Variants in TTC31 observed in about 807,000 individuals in gnomAD.
TTC31 encodes tetratricopeptide repeat domain 31.
In TTC31, 59 loss-of-function variants were observed where a neutral mutation model predicts 60.4. That is an observed-to-expected ratio of 0.98 (90% CI 0.79 to 1.21). TTC31 has a LOEUF of 1.21. TTC31 is among the 50% of genes most tolerant of loss of function. The pLI, the probability that TTC31 is intolerant of heterozygous loss-of-function variation, is 0.00. For missense variants in TTC31, 672 were observed against 646.9 expected (o/e 1.04, Z -0.42); for synonymous variants, 225 against 249.6 (o/e 0.90, Z 0.93).
intron 2 of TTC31, among the ~76,000 whole-genome samples, chr2:74,484,151 C>A (rs77750978): frequency 6.6e-6 from 1 of 151,490 alleles, no homozygotes; most frequent in South Asian, 2.1e-4. Context: ...GCAGGAGAAT[C>A]GCTTGAACCC....
intron 8 of TTC31, 105 bp from the exon 9 acceptor site, chr2:74,491,899 A>G: frequency 6.4e-7 from 1 of 1,571,132 alleles, no homozygotes; most frequent in Non-Finnish European, 8.7e-7. Context: ...TGAGGATTAC[A>G]TGAGTTGGGT....
chr2:74,490,210 C>T (rs1040475782), intron 3 of TTC31, 34 bp from the exon 4 acceptor site: 3 of 1,611,888 alleles, frequency 1.9e-6, no homozygotes, highest in African/African-American at 2.7e-5. Flanking sequence ...GCTCTCATGT[C>T]CTTTCTTTCC....
chr2:74,490,211 C>A, intron 3 of TTC31, 33 bp from the exon 4 acceptor site: 1 of 1,612,038 alleles, frequency 6.2e-7, no homozygotes, highest in Non-Finnish European at 8.5e-7. Flanking sequence ...CTCTCATGTC[C>A]TTTCTTTCCT....
intron 2 of TTC31, among the ~76,000 whole-genome samples, chr2:74,489,217 C>T (rs1414431660): frequency 6.6e-6 from 1 of 152,088 alleles, no homozygotes; most frequent in African/African-American, 2.4e-5. Context: ...TTGGAGGAGG[C>T]AGAGATAATT....
rs564320572 is a variant in TTC31 at position 74,493,948 on chromosome 2, C to T, written c.*730C>T. 1 of 152,370 alleles carries T rather than the reference C, an allele frequency of 6.6e-6. No individual in the cohort carries two copies. Among genetic ancestry groups the T allele is most frequent in the East Asian group, 1.9e-4 (1 of 5,190 alleles). The allele number at this position is 152,370 out of a possible 1,614,324, so 9.4% of individuals were successfully genotyped here. A position where few individuals can be genotyped will look rare whatever the true frequency, so the allele number is the denominator to read the frequency against. On this transcript the variant is annotated 3_prime_UTR_variant, in exon 13 of 13. Coordinates refer to ENST00000233623, the MANE Select transcript of TTC31 (RefSeq NM_022492.6). Reference sequence around the variant, plus strand: ...GCCCAAGCTGCTACAACCTTGGCCACTCTGTTTCTCCACCCCAGCACTGGG... The same window carrying T: ...GCCCAAGCTGCTACAACCTTGGCCATTCTGTTTCTCCACCCCAGCACTGGG...
chr2:74,490,304 A>G lies in TTC31; in HGVS notation c.293A>G (p.Lys98Arg). 6.2e-6 allele frequency: 10 copies of G among 1,614,122 alleles called. No individual in the cohort carries two copies. The highest frequency in any genetic ancestry group is 8.5e-6 in the Non-Finnish European group (10 of 1,180,012). ...GKSTGQSDRG[K>R]GAEGLGTYCG... ...TCAACTGGACAGAGTGACAGGGGCA[A>G]GGGGGCTGAGGGACTGGGCACCTAC... Residue 98 changes from lysine to arginine, a missense_variant, in exon 4 of 13, where the codon AAG becomes AGG. Transcript: ENST00000233623.
At chr2:74,488,433 T>TG (rs1673402587) in intron 2 of TTC31, among the ~76,000 whole-genome samples, 1 of 152,218 alleles carries the variant, frequency 6.6e-6, no homozygotes, top group African/African-American at 2.4e-5. Context: ...AGTCCTGCTC[T>TG]GTTTAGGCCT....
chr2:74,492,251 G>T, intron 10 of TTC31, 22 bp downstream of exon 10: 2 of 1,614,162 alleles, frequency 1.2e-6, no homozygotes, highest in African/African-American at 2.7e-5. Context: ...CTTGGCCAGG[G>T]CAGGGCAGAG....
Position 74,490,144 on chromosome 2 carries a change from C to T in TTC31, c.232+17C>T. Reference sequence around the variant, plus strand: ...GGCACCATGGTGGGGAGTGCAGGGACCGGGCCCAGGGATCGAGGCTGGTAC... The same window carrying T: ...GGCACCATGGTGGGGAGTGCAGGGATCGGGCCCAGGGATCGAGGCTGGTAC... On this transcript the variant is annotated intron_variant, in intron 3 of 12. Transcript: ENST00000233623. The T allele has an allele frequency of 6.2e-7, 1 of 1,605,800 alleles. No homozygotes were observed. Among genetic ancestry groups the T allele is most frequent in the Middle Eastern group, 1.7e-4 (1 of 6,042 alleles).
At chr2:74,490,771 A>G (rs757037713) in intron 5 of TTC31, 32 bp downstream of exon 5, 1 of 1,593,946 alleles carries the variant, frequency 6.3e-7, no homozygotes. Context: ...GGTGCAGGGG[A>G]GCCAAAGGGA....
chr2:74,490,958 T>C (rs866264838), intron 5 of TTC31, 170 bp from the exon 6 acceptor site: 1 of 958,912 alleles, frequency 1.0e-6, no homozygotes. Flanking sequence ...TCTGCCTCCT[T>C]ACATGAGGCC....
At position 74,484,953 on chromosome 2, in the gene TTC31, A is replaced by T. The variant is rs188750879; in HGVS notation, c.129+1543A>T. 3.2e-4 allele frequency among the ~76,000 whole-genome samples: 48 copies of T among 151,998 alleles called. No individual in the cohort carries two copies. In the East Asian group the frequency reaches 7.5e-3, roughly 24 times the overall value. On this transcript the variant is annotated intron_variant, in intron 2 of 12. Coordinates refer to ENST00000233623, the MANE Select transcript of TTC31 (RefSeq NM_022492.6). ...ACACAAACTTTCATCTAGTTGTTTA[A>T]TCTGGAAATCTGATAATCATTTTAT...
rs1468936142 is a variant in TTC31 at position 74,492,342 on chromosome 2, G to A, written c.1058G>A (p.Gly353Asp). ...CGTTCCTTCTGCCATGAGCGGTTGG[G>A]TCAGCCAGCGTGGGCCCTGGCTGAT... ...GNRSFCHERL[G>D]QPAWALADAQ... Residue 353 changes from glycine to aspartate, a missense_variant, in exon 11 of 13, where the codon GGT becomes GAT. Coordinates refer to ENST00000233623, the MANE Select transcript of TTC31 (RefSeq NM_022492.6). 2 of 1,570,522 alleles carry A rather than the reference G, an allele frequency of 1.3e-6. No individual in the cohort carries two copies. The highest frequency in any genetic ancestry group is 2.3e-5 in the East Asian group (1 of 44,330).
Position 74,492,419 on chromosome 2 carries a change from C to G in TTC31, c.1135C>G (p.Leu379Val). Residue 379 changes from leucine to valine, a missense_variant, in exon 11 of 13, where the codon CTG (leucine) becomes GTG (valine). Physicochemically the swap from Leu to Val is conservative, Grantham distance 32. Coordinates refer to ENST00000233623, the MANE Select transcript of TTC31 (RefSeq NM_022492.6). ...RPGWPRGLFRLGKALMGLQRF... is the reference protein window; with the variant it reads ...RPGWPRGLFRVGKALMGLQRF... ...TGGCTGGCCCCGGGGCCTCTTCCGC[C>G]TGGGCAAGGCCTTGATGGGACTACA... is the stretch of plus-strand genomic sequence containing the variant. The G allele has an allele frequency of 5.3e-6, 8 of 1,523,102 alleles. No individual in the cohort carries two copies. The highest frequency in any genetic ancestry group is 7.0e-6 in the Non-Finnish European group (8 of 1,136,796). The allele number at this position is 1,523,102 out of a possible 1,614,324, so 94.3% of individuals were successfully genotyped here. A position where few individuals can be genotyped will look rare whatever the true frequency, so the allele number is the denominator to read the frequency against.
intron 5 of TTC31, 146 bp from the exon 6 acceptor site, chr2:74,490,980 CCT>C (rs1418419755): frequency 9.0e-7 from 1 of 1,107,280 alleles, no homozygotes; most frequent in African/African-American, 1.6e-5. Flanking sequence ...CTTGCTGGTG[CCT>C]CTCTTGTCTG....
rs373885235 is a variant in TTC31 at position 74,492,721 on chromosome 2, C to G, written c.1237C>G (p.Arg413Gly). ...GSQPDAAREL[R>G]SCLLHLTLQG... Reference sequence around the variant, plus strand: ...CCAGCCTGACGCAGCCCGAGAGCTCCGCTCTTGCCTTCTCCACCTCACACT... The same window carrying G: ...CCAGCCTGACGCAGCCCGAGAGCTCGGCTCTTGCCTTCTCCACCTCACACT... The change falls in exon 12 of 13, where the codon CGC becomes GGC. Residue 413 changes from arginine (R) to glycine (G), a missense_variant. Arg to Gly is a moderately radical substitution (Grantham distance 125, BLOSUM62 -2). Transcript: ENST00000233623. 20 of 1,614,170 alleles carry G rather than the reference C, an allele frequency of 1.2e-5. No individual in the cohort carries two copies. Among genetic ancestry groups the G allele is most frequent in the Non-Finnish European group, 1.7e-5 (20 of 1,180,030 alleles).
At chr2:74,485,607 A>G (rs190909756) in intron 2 of TTC31, among the ~76,000 whole-genome samples, 209 of 150,964 alleles carry the variant, frequency 1.4e-3, no homozygotes, top group Middle Eastern at 0.01. Context: ...AGTAGCTGGG[A>G]CTACAGGCGC....
rs1365229053 is a variant in TTC31, at chr2:74,493,098, C to T, written c.1440C>T (p.His480=). 2 of 1,614,150 alleles carry T rather than the reference C, an allele frequency of 1.2e-6. No homozygotes were observed. The highest frequency in any genetic ancestry group is 1.7e-6 in the Non-Finnish European group (2 of 1,180,014). Residue 480 remains histidine (H), a synonymous_variant, in exon 13 of 13, where the codon CAC becomes CAT. Coordinates refer to ENST00000233623, the MANE Select transcript of TTC31 (RefSeq NM_022492.6). ...ATTATCCTTCATGTCACCGAAGCCA[C>T]CCCAACCAGCCCCTCTCCCAGACTC... The part of the protein sequence containing the change: ...LLHYPSCHRS[H]PNQPLSQTQS...
In TTC31 at chr2:74,491,189, GTATC is replaced by G. The variant is rs1558584790; in HGVS notation, c.603+8_603+11del. ...CAGTACTGTGGGGAGCCCAAGGTGAGTATCTAGGGCAGGTACTAAGAGCACCAAG... is the reference window on the plus strand; with the variant it reads ...CAGTACTGTGGGGAGCCCAAGGTGAGTAGGGCAGGTACTAAGAGCACCAAG... On this transcript the variant is annotated splice_donor_region_variant and intron_variant, in intron 6 of 12. Coordinates refer to ENST00000233623, the MANE Select transcript of TTC31 (RefSeq NM_022492.6). The G allele has an allele frequency of 1.2e-6, 2 of 1,614,222 alleles. No individual in the cohort carries two copies. Among genetic ancestry groups the G allele is most frequent in the Admixed American group, 3.3e-5 (2 of 60,022 alleles).
Sources: allele counts gnomAD v4.1 joint callset (sites outside exome capture counted in the v4.1 genomes callset), GRCh38; gene constraint gnomAD v4.1.1; transcripts MANE v1.5; gene names NCBI Gene and HGNC (gene_info 2026-07-23, HGNC 2026-07-21).